The following SLC35F1 variants were observed in gnomAD, a reference collection of about 807,000 sequenced individuals.
SLC35F1 encodes chromosome 6 open reading frame 169.
A neutral mutation model predicts 48.7 loss-of-function variants in SLC35F1; 14 were observed. The ratio of observed to expected loss-of-function variants is 0.29; its 90% CI spans 0.19 to 0.45. SLC35F1 has a LOEUF of 0.45. SLC35F1 is among the 20% of genes least tolerant of loss of function. The pLI, the probability that SLC35F1 is intolerant of heterozygous loss-of-function variation, is 1.00. For synonymous variants in SLC35F1, 190 were observed against 202.2 expected (o/e 0.94, Z 0.51); for missense variants, 404 against 500.0 (o/e 0.81, Z 1.83).
chr6:118,278,445 G>A (rs566856599), intron 6 of SLC35F1, among the ~76,000 whole-genome samples: 3 of 152,026 alleles, frequency 2.0e-5, no homozygotes, highest in South Asian at 2.1e-4. Flanking sequence ...ATAAACTCCC[G>A]TGCATCACTT....
intron 1 of SLC35F1, among the ~76,000 whole-genome samples, chr6:118,040,062 A>C (rs1248167012): frequency 6.6e-6 from 1 of 152,056 alleles, no homozygotes; most frequent in Non-Finnish European, 1.5e-5. Context: ...GGTCTGTCTC[A>C]CATATGTGTA....
chr6:118,122,473 A>G (rs1191073975), intron 1 of SLC35F1, among the ~76,000 whole-genome samples: 3 of 152,244 alleles, frequency 2.0e-5, no homozygotes, highest in African/African-American at 7.2e-5. Flanking sequence ...AGTATAAGGT[A>G]CCAAGTGCAA....
chr6:117,975,020 G>A (rs1776688362), intron 1 of SLC35F1, among the ~76,000 whole-genome samples: 1 of 152,190 alleles, frequency 6.6e-6, no homozygotes, highest in Admixed American at 6.5e-5. Flanking sequence ...CTTCTTGAAA[G>A]GATCTTAGGG....
chr6:118,156,300 C>T (rs1048225882), intron 2 of SLC35F1, among the ~76,000 whole-genome samples: 4 of 151,942 alleles, frequency 2.6e-5, no homozygotes, highest in South Asian at 2.1e-4. Flanking sequence ...TATGAGTGAC[C>T]GTGGCCCCTA....
At chr6:118,175,095 T>C (rs993152091) in intron 2 of SLC35F1, among the ~76,000 whole-genome samples, 2 of 152,186 alleles carry the variant, frequency 1.3e-5, no homozygotes, top group Non-Finnish European at 2.9e-5. Flanking sequence ...CACAGGTCTC[T>C]GGCAATGCTA....
At chr6:118,246,981 G>T (rs1199034510) in intron 3 of SLC35F1, among the ~76,000 whole-genome samples, 1 of 152,054 alleles carries the variant, frequency 6.6e-6, no homozygotes, top group Non-Finnish European at 1.5e-5. Context: ...GCCAAGCTGG[G>T]ACACCCATTA....
intron 3 of SLC35F1, among the ~76,000 whole-genome samples, chr6:118,241,329 C>G (rs1356221263): frequency 6.6e-6 from 1 of 152,198 alleles, no homozygotes; most frequent in Non-Finnish European, 1.5e-5. Flanking sequence ...GCTCTATCCT[C>G]TTGCCCTTTC....
intron 1 of SLC35F1, among the ~76,000 whole-genome samples, chr6:118,100,826 A>G (rs779884621): frequency 1.3e-5 from 2 of 152,206 alleles, no homozygotes; most frequent in African/African-American, 4.8e-5. Context: ...CAAAGCTACA[A>G]CCATCAAGTC....
chr6:118,156,580 G>A (rs529913680), intron 2 of SLC35F1, among the ~76,000 whole-genome samples: 2 of 151,928 alleles, frequency 1.3e-5, no homozygotes, highest in African/African-American at 2.4e-5. Flanking sequence ...TGTAAATGAC[G>A]AGTTGATGGC....
intron 1 of SLC35F1, among the ~76,000 whole-genome samples, chr6:117,998,590 G>A (rs1777036685): frequency 1.3e-5 from 2 of 150,938 alleles, no homozygotes; most frequent in South Asian, 4.2e-4. Flanking sequence ...AGACCACAGT[G>A]CAATCCAACT....
In SLC35F1 at chr6:118,271,181, C is replaced by T. The variant is rs78979413; in HGVS notation, c.637+4027C>T. Among the ~76,000 whole-genome samples, 1,340 of 152,214 alleles carry T rather than the reference C, an allele frequency of 8.8e-3. 13 individuals carry two copies. The highest frequency in any genetic ancestry group is 0.03 in the African/African-American group (1,253 of 41,532). On this transcript the variant is annotated intron_variant, in intron 4 of 7. Transcript: ENST00000360388. ...TTATATATTATTTCATTTAATCCTC[C>T]TAACTATGCAAAGAATTTTTATTGT...
At chr6:118,188,649 G>C (rs1774693202) in intron 2 of SLC35F1, among the ~76,000 whole-genome samples, 1 of 151,652 alleles carries the variant, frequency 6.6e-6, no homozygotes, top group African/African-American at 2.4e-5. Flanking sequence ...TAAAGAAAAA[G>C]AAAAACAAGA....
chr6:118,071,598 C>T (rs1392490366), intron 1 of SLC35F1, among the ~76,000 whole-genome samples: 1 of 152,002 alleles, frequency 6.6e-6, no homozygotes. Flanking sequence ...CCCTTTTTCC[C>T]CCTAGAGCAC....
intron 2 of SLC35F1, among the ~76,000 whole-genome samples, chr6:118,175,545 G>C (rs375613473): frequency 2.7e-4 from 41 of 152,194 alleles, no homozygotes; most frequent in African/African-American, 9.9e-4. Flanking sequence ...AAAGCAGAAA[G>C]TTTTATGTGT....
intron 2 of SLC35F1, among the ~76,000 whole-genome samples, chr6:118,178,584 C>A (rs1221206837): frequency 2.6e-5 from 4 of 152,048 alleles, no homozygotes; most frequent in Non-Finnish European, 5.9e-5. Flanking sequence ...AGCCCAGGTG[C>A]CTTTTTTATT....
intron 1 of SLC35F1, among the ~76,000 whole-genome samples, chr6:118,088,470 A>C (rs1773024281): frequency 6.6e-6 from 1 of 152,168 alleles, no homozygotes; most frequent in African/African-American, 2.4e-5. Context: ...GAGTCTAGTA[A>C]ATAGGCAGCT....
chr6:118,155,018 A>T (rs1360760624), intron 2 of SLC35F1, among the ~76,000 whole-genome samples: 1 of 152,226 alleles, frequency 6.6e-6, no homozygotes, highest in Non-Finnish European at 1.5e-5. Context: ...TCTGTGGGAA[A>T]GTGACACAAG....
At chr6:118,057,772 A>T (rs1470122124) in intron 1 of SLC35F1, among the ~76,000 whole-genome samples, 1 of 152,174 alleles carries the variant, frequency 6.6e-6, no homozygotes, top group African/African-American at 2.4e-5. Context: ...CAAGTTTGTG[A>T]TTTTTCATAG....
intron 7 of SLC35F1, among the ~76,000 whole-genome samples, chr6:118,303,046 C>A (rs1582779088): frequency 6.7e-6 from 1 of 150,074 alleles, no homozygotes; most frequent in Admixed American, 6.6e-5. Context: ...TCATAATATT[C>A]TTTACAAATA....
Sources: gnomAD v4.1 joint callset for allele counts (sites outside exome capture counted in the v4.1 genomes callset) on GRCh38, gnomAD v4.1.1 for gene constraint, MANE v1.5 for transcripts, NCBI Gene and HGNC (gene_info 2026-07-23, HGNC 2026-07-21) for gene names.